CTTNBP2NL: variants seen among roughly 807,000 people sequenced by gnomAD.
The protein encoded by CTTNBP2NL is CTTNBP2 N-terminal like.
In CTTNBP2NL, 16 loss-of-function variants were observed where a neutral mutation model predicts 32.5. The observed-to-expected ratio is 0.49, with a 90% CI of 0.33 to 0.75. The LOEUF is 0.75. CTTNBP2NL is among the 30% of genes least tolerant of loss of function. The pLI is 0.02. For synonymous variants in CTTNBP2NL, 298 were observed against 289.4 expected (o/e 1.03, Z -0.30); for missense variants, 645 against 756.0 (o/e 0.85, Z 1.72).
intron 3 of CTTNBP2NL, among the ~76,000 whole-genome samples, chr1:112,440,725 A>G (rs1649869576): frequency 6.6e-6 from 1 of 152,210 alleles, no homozygotes; most frequent in African/African-American, 2.4e-5. Flanking sequence ...TATAACACTT[A>G]TTGTTCTTCA....
intron 5 of CTTNBP2NL, among the ~76,000 whole-genome samples, chr1:112,455,273 AGGTG>A (rs1363505180): frequency 6.6e-6 from 1 of 152,194 alleles, no homozygotes; most frequent in Non-Finnish European, 1.5e-5. Context: ...TTGGAGGCCG[AGGTG>A]GGTGGATCAC....
intron 3 of CTTNBP2NL, among the ~76,000 whole-genome samples, chr1:112,424,108 GT>G (rs1311378054): frequency 3.3e-5 from 5 of 151,896 alleles, no homozygotes; most frequent in Admixed American, 6.6e-5. Context: ...GTTTTCTCCT[GT>G]TTTTTTGTTT....
intron 3 of CTTNBP2NL, among the ~76,000 whole-genome samples, chr1:112,445,450 A>G (rs1207400386): frequency 6.6e-6 from 1 of 152,154 alleles, no homozygotes. Flanking sequence ...TGAATCATTA[A>G]GTTGATTGAA....
chr1:112,424,456 T>C (rs1443708213), intron 3 of CTTNBP2NL, among the ~76,000 whole-genome samples: 1 of 152,230 alleles, frequency 6.6e-6, no homozygotes, highest in Non-Finnish European at 1.5e-5. Context: ...TCAATTAGTG[T>C]TAGTCCTCCA....
intron 3 of CTTNBP2NL, among the ~76,000 whole-genome samples, chr1:112,430,204 T>TCTTTTCTTG (rs1649524075): frequency 1.9e-5 from 1 of 53,326 alleles, no homozygotes; most frequent in African/African-American, 4.2e-5. Flanking sequence ...TTCTTTTCTT[T>TCTTTTCTTG]TCTTTTCTTT....
rs869134559 is a variant in CTTNBP2NL, at chr1:112,407,840, C to CTTTTTTTTTTTTTT, written c.-133-4345_-133-4332dup. Among the ~76,000 whole-genome samples the CTTTTTTTTTTTTTT allele has an allele frequency of 3.6e-3, 341 of 96,020 alleles. 5 individuals are homozygous for CTTTTTTTTTTTTTT. Among genetic ancestry groups the CTTTTTTTTTTTTTT allele is most frequent in the Non-Finnish European group, 4.9e-3 (249 of 50,824 alleles). The allele number at this position is 96,020 out of a possible 152,430, so 63.0% of individuals were successfully genotyped here. On this transcript the variant is annotated intron_variant, in intron 1 of 5. Transcript: ENST00000271277. Reference sequence around the variant, plus strand: ...ACAAAAACGGCTTTCTTTTTTCTTTCTTTTTTTTTTTTTTTTTTTTTTGAG... The same window carrying CTTTTTTTTTTTTTT: ...ACAAAAACGGCTTTCTTTTTTCTTTCTTTTTTTTTTTTTTTTTTTTTTTTTTTTTTTTTTTTGAG...
chr1:112,400,656 G>A (rs1648469515), intron 1 of CTTNBP2NL, among the ~76,000 whole-genome samples: 1 of 152,180 alleles, frequency 6.6e-6, no homozygotes, highest in Non-Finnish European at 1.5e-5. Flanking sequence ...ACAGGGTGTG[G>A]TGGCACATGC....
chr1:112,424,228 A>C (rs546982374), intron 3 of CTTNBP2NL, among the ~76,000 whole-genome samples: 3 of 151,832 alleles, frequency 2.0e-5, no homozygotes, highest in Non-Finnish European at 4.4e-5. Context: ...GCATGGATCC[A>C]TTTTTTGTTT....
chr1:112,391,863 C>A (rs1468246218), upstream of CTTNBP2NL, among the ~76,000 whole-genome samples: 1 of 152,044 alleles, frequency 6.6e-6, no homozygotes, highest in African/African-American at 2.4e-5. Context: ...TAGTGGTGCG[C>A]GCCTGTAATC....
At chr1:112,402,178 G>A (rs1374596191) in intron 1 of CTTNBP2NL, among the ~76,000 whole-genome samples, 1 of 152,018 alleles carries the variant, frequency 6.6e-6, no homozygotes, top group East Asian at 1.9e-4. Flanking sequence ...CAGCACTTTG[G>A]GAGGCTGAGG....
intron 3 of CTTNBP2NL, among the ~76,000 whole-genome samples, chr1:112,422,353 T>C (rs1233384032): frequency 3.3e-5 from 5 of 152,358 alleles, no homozygotes; most frequent in Non-Finnish European, 7.3e-5. Context: ...GTGTTGGCAT[T>C]ATATGTATAT....
At chr1:112,400,527 G>A (rs2100989422) in intron 1 of CTTNBP2NL, among the ~76,000 whole-genome samples, 1 of 152,266 alleles carries the variant, frequency 6.6e-6, no homozygotes, top group South Asian at 2.1e-4. Flanking sequence ...AGGTGCAGTG[G>A]CTCACCTGTA....
chr1:112,441,649 T>C (rs1289244598), intron 3 of CTTNBP2NL, among the ~76,000 whole-genome samples: 1 of 152,250 alleles, frequency 6.6e-6, no homozygotes, highest in Non-Finnish European at 1.5e-5. Context: ...CTGTACTGTT[T>C]TATACTCTCA....
In CTTNBP2NL at chr1:112,457,166, C is replaced by T; in HGVS notation, c.1674C>T (p.Pro558=). 6.2e-7 allele frequency: 1 copy of T among 1,614,168 alleles called. No homozygotes were observed. Among genetic ancestry groups the T allele is most frequent in the South Asian group, 1.1e-5 (1 of 91,074 alleles). ...HSPTPGKVSS[P]LSPLSPGIKS... Reference sequence around the variant, plus strand: ...CTACTCCAGGGAAAGTGTCCAGTCCCCTGAGCCCCCTGTCTCCAGGAATCA... The same window carrying T: ...CTACTCCAGGGAAAGTGTCCAGTCCTCTGAGCCCCCTGTCTCCAGGAATCA... Residue 558 remains proline, a synonymous_variant, in exon 6 of 6, where the codon CCC becomes CCT. Transcript: ENST00000271277.
chr1:112,444,152 T>A (rs1431331027), intron 3 of CTTNBP2NL, among the ~76,000 whole-genome samples: 4 of 152,362 alleles, frequency 2.6e-5, no homozygotes, highest in Non-Finnish European at 5.9e-5. Context: ...GGTACCAGCC[T>A]GAGTCTTGAA....
At chr1:112,392,478 A>G (rs987607978), upstream of CTTNBP2NL, among the ~76,000 whole-genome samples, 4 of 152,198 alleles carry the variant, frequency 2.6e-5, no homozygotes, top group Non-Finnish European at 5.9e-5. Context: ...GAGTTAAGTG[A>G]GAAGGTTACT....
At position 112,460,408 on chromosome 1, in the gene CTTNBP2NL, T is replaced by G. The variant is rs1650517143; in HGVS notation, c.*2996T>G. The G allele has an allele frequency of 6.6e-6, 1 of 152,220 alleles. No individual in the cohort carries two copies. Among genetic ancestry groups the G allele is most frequent in the Admixed American group, 6.5e-5 (1 of 15,276 alleles). The allele number at this position is 152,220 out of a possible 1,614,324, so 9.4% of individuals were successfully genotyped here. A position where few individuals can be genotyped will look rare whatever the true frequency, so the allele number is the denominator to read the frequency against. On this transcript the variant is annotated 3_prime_UTR_variant, in exon 6 of 6. Transcript: ENST00000271277. ...ATAAGGAACTAAGACATTGATTTTC[T>G]TTAGAGTCTTAGAGCTGGAAAAAGC...
At chr1:112,414,679 A>G (rs1052320584) in intron 2 of CTTNBP2NL, 2 of 152,222 alleles carry the variant, frequency 1.3e-5, no homozygotes, top group African/African-American at 2.4e-5. Context: ...ATTATAAAAT[A>G]TATCTTACCA....
Position 112,456,636 on chromosome 1 carries a change from G to A in CTTNBP2NL, c.1144G>A (p.Ala382Thr). The A allele has an allele frequency of 4.3e-6, 7 of 1,614,136 alleles. No individual in the cohort carries two copies. The highest frequency in any genetic ancestry group is 5.9e-6 in the Non-Finnish European group (7 of 1,180,034). ...TCCACGGGAAAAATCTGTGGCATTG[G>A]CCCAAGAGAAACCAGTGGAGAATGG... is the stretch of plus-strand genomic sequence containing the variant. ...VPPREKSVALAQEKPVENGGC... is the reference protein window; with the variant it reads ...VPPREKSVALTQEKPVENGGC... The change falls in exon 6 of 6, where the codon GCC becomes ACC. Residue 382 changes from alanine (A) to threonine (T), a missense_variant. Coordinates refer to ENST00000271277, the MANE Select transcript of CTTNBP2NL (RefSeq NM_018704.3).
Sources: allele counts gnomAD v4.1 joint callset (sites outside exome capture counted in the v4.1 genomes callset), GRCh38; gene constraint gnomAD v4.1.1; transcripts MANE v1.5; gene names NCBI Gene and HGNC (gene_info 2026-07-23, HGNC 2026-07-21).